The following LAMB4 variants were observed in gnomAD, a reference collection of about 807,000 sequenced individuals.
LAMB4 encodes laminin subunit beta-4.
In LAMB4, 196 loss-of-function variants were observed where a neutral mutation model predicts 199.2. The ratio of observed to expected loss-of-function variants is 0.98; its 90% CI spans 0.88 to 1.11. The LOEUF (loss-of-function observed/expected upper bound fraction) is 1.11, where lower values mean the gene tolerates loss of function less well. Ranked by LOEUF, LAMB4 falls within the 50% of genes least tolerant of loss-of-function variation. The pLI is 0.00. For missense variants in LAMB4, 2,080 were observed against 2,171.2 expected, an observed-to-expected ratio of 0.96 and a Z score of 0.83; for synonymous variants, 744 against 770.6, an observed-to-expected ratio of 0.97 and a Z score of 0.57.
chr7:108,040,486 A>T (rs879035472), intron 29 of LAMB4, among the ~76,000 whole-genome samples: 1 of 152,222 alleles, frequency 6.6e-6, no homozygotes, highest in East Asian at 1.9e-4. Context: ...AGCTAGAGAC[A>T]TCGTGCTATC....
chr7:108,077,045 G>A lies in LAMB4; in HGVS notation c.2023C>T (p.Pro675Ser). Residue 675 changes from proline (P) to serine (S), a missense_variant, in exon 17 of 34, where the codon CCC becomes TCC. Physicochemically the swap from Pro to Ser is moderately conservative, Grantham distance 74. Coordinates refer to ENST00000388781, the MANE Select transcript of LAMB4 (RefSeq NM_007356.3). ...AATRIMLLPT[P>S]ICLEPDVQYS... is the part of the protein sequence containing the mutation. ...TGTACATCTGGTTCTAAACAGATGG[G>A]TGTGGGAAGCAGCATGATTCTGTAT... 1 of 1,613,616 alleles carries A rather than the reference G, an allele frequency of 6.2e-7. No individual in the cohort carries two copies. Among genetic ancestry groups the A allele is most frequent in the Middle Eastern group, 1.7e-4 (1 of 6,060 alleles).
Position 108,103,054 on chromosome 7 carries a change from G to A in LAMB4, c.1170C>T (p.Tyr390=), listed in dbSNP as rs759145249. Residue 390 remains tyrosine, a synonymous_variant, in exon 10 of 34, where the codon TAC becomes TAT. Coordinates refer to ENST00000388781, the MANE Select transcript of LAMB4 (RefSeq NM_007356.3). ...RDPLKTISDP[Y]ACIPCECDPD... ...GACCCGGGGACTCACGAATGCACGC[G>A]TAGGGATCTGAGATGGTCTTGAGCG... 6.9e-6 allele frequency: 11 copies of A among 1,590,760 alleles called. No homozygotes were observed. Among genetic ancestry groups the A allele is most frequent in the Admixed American group, 5.1e-5 (3 of 59,234 alleles).
chr7:108,079,259 G>A (rs928620041), intron 15 of LAMB4, among the ~76,000 whole-genome samples: 1 of 152,190 alleles, frequency 6.6e-6, no homozygotes, highest in Non-Finnish European at 1.5e-5. Flanking sequence ...GTCTGCACAT[G>A]TGTTGGTTTA....
At position 108,088,521 on chromosome 7, in the gene LAMB4, C is replaced by T. The variant is rs115739415; in HGVS notation, c.1701+3105G>A. On this transcript the variant is annotated intron_variant, in intron 14 of 33. Coordinates refer to ENST00000388781, the MANE Select transcript of LAMB4 (RefSeq NM_007356.3). ...CCCATCAGAAGTATTAATTATACCA[C>T]GGACCAAGAAGTTCAGATTATTCCA... Among the ~76,000 whole-genome samples the T allele has an allele frequency of 6.0e-3, 908 of 152,238 alleles. 13 individuals carry two copies. The highest frequency in any genetic ancestry group is 0.018 in the African/African-American group (733 of 41,536).
At chr7:108,071,553 C>G (rs1191754523) in intron 17 of LAMB4, among the ~76,000 whole-genome samples, 16 of 152,228 alleles carry the variant, frequency 1.1e-4, no homozygotes, top group Non-Finnish European at 2.4e-4. Flanking sequence ...TGTGCTTACT[C>G]TTGGTAGACA....
At chr7:108,092,302 A>G (rs763780272) in intron 13 of LAMB4, 35 bp downstream of exon 13, 2 of 1,525,926 alleles carry the variant, frequency 1.3e-6, no homozygotes, top group South Asian at 1.1e-5. Context: ...TTATGTTTAA[A>G]TAAGGAATAT....
intron 14 of LAMB4, among the ~76,000 whole-genome samples, chr7:108,081,765 G>T (rs911939418): frequency 1.3e-5 from 2 of 152,158 alleles, no homozygotes; most frequent in Admixed American, 6.5e-5. Context: ...GCAGGGAAGG[G>T]GAGGCACTGA....
At chr7:108,041,490 C>A (rs951999281) in intron 29 of LAMB4, among the ~76,000 whole-genome samples, 1 of 152,190 alleles carries the variant, frequency 6.6e-6, no homozygotes. Flanking sequence ...GACATGGAAT[C>A]AACCTATATG....
chr7:108,058,816 C>T (rs2036067655), intron 23 of LAMB4, among the ~76,000 whole-genome samples: 1 of 152,030 alleles, frequency 6.6e-6, no homozygotes, highest in African/African-American at 2.4e-5. Context: ...ACCACCACAC[C>T]CGGCAATTTT....
chr7:108,079,714 T>C lies in LAMB4; in HGVS notation c.1774A>G (p.Thr592Ala), dbSNP rs771400232. ...CTGGCAAATCCAGGTCCAGTCCATG[T>C]AACAGGGTTCCCAGGAACTGGCTCT... ...LGEPVPGNPV[T>A]WTGPGFARVL... The change falls in exon 15 of 34, where the codon ACA becomes GCA. Residue 592 changes from threonine (T) to alanine (A), a missense_variant. Physicochemically the swap from Thr to Ala is moderately conservative, Grantham distance 58. Transcript: ENST00000388781. The C allele has an allele frequency of 6.2e-7, 1 of 1,612,072 alleles. No individual in the cohort carries two copies. Among genetic ancestry groups the C allele is most frequent in the Non-Finnish European group, 8.5e-7 (1 of 1,179,268 alleles).
At position 108,032,409 on chromosome 7, in the gene LAMB4, A is replaced by G. The variant is rs1034769708; in HGVS notation, c.4819-1430T>C. On this transcript the variant is annotated intron_variant, in intron 31 of 33. Transcript: ENST00000388781. The stretch of plus-strand genomic sequence containing the variant: ...CATCCCAAAAAAATAAAAAAAAAAA[A>G]TCTTTAAAAAGGCAATTTGTTTCTT... 2.7e-5 allele frequency among the ~76,000 whole-genome samples: 4 copies of G among 149,642 alleles called. No individual in the cohort carries two copies. In the East Asian group the frequency reaches 5.8e-4, roughly 22 times the overall value.
Position 108,048,016 on chromosome 7 carries a change from G to A in LAMB4, c.4218C>T (p.Pro1406=), listed in dbSNP as rs199681185. ...AGAGGGTCAGGGAGCCGTGACAGCC[G>A]GGACCCCTACACTTCCTGTGCCCCT... ...GRKGHRKCRG[P]GCHGSLTLST... Residue 1406 remains proline, a synonymous_variant, in exon 28 of 34, where the codon CCC becomes CCT. Coordinates refer to ENST00000388781, the MANE Select transcript of LAMB4 (RefSeq NM_007356.3). 1.5e-4 allele frequency: 250 copies of A among 1,614,096 alleles called. No individual in the cohort carries two copies. In the East Asian group the frequency reaches 3.3e-3, roughly 21 times the overall value.
In LAMB4 at chr7:108,030,980, CTGT is replaced by C. The variant is rs760198359; in HGVS notation, c.4819-4_4819-2del. 6.2e-7 allele frequency: 1 copy of C among 1,611,852 alleles called. No individual in the cohort carries two copies. Among genetic ancestry groups the C allele is most frequent in the East Asian group, 2.2e-5 (1 of 44,736 alleles). ...TCATTTCCCTGGTTTGATTTTCAGCCTGTTGTTGATTTAAAGACCAAAAAGGGA... is the reference window on the plus strand; with the variant it reads ...TCATTTCCCTGGTTTGATTTTCAGCCTGTTGATTTAAAGACCAAAAAGGGA... On this transcript the variant is annotated splice_acceptor_variant and splice_polypyrimidine_tract_variant and intron_variant, in intron 31 of 33. Coordinates refer to ENST00000388781, the MANE Select transcript of LAMB4 (RefSeq NM_007356.3). LOFTEE classifies it high-confidence loss of function.
At chr7:108,114,233 G>A (rs1303850536) in intron 3 of LAMB4, among the ~76,000 whole-genome samples, 3 of 152,094 alleles carry the variant, frequency 2.0e-5, no homozygotes, top group Non-Finnish European at 2.9e-5. Context: ...ACCAGCTTGG[G>A]CAACATAGTG....
Position 108,062,932 on chromosome 7 carries a change from G to A in LAMB4, c.3124C>T (p.Leu1042Phe). Residue 1042 changes from leucine (L) to phenylalanine (F), a missense_variant, in exon 23 of 34, where the codon CTC becomes TTC. By Grantham distance (22) the Leu-to-Phe change is conservative. Coordinates refer to ENST00000388781, the MANE Select transcript of LAMB4 (RefSeq NM_007356.3). ...CATGCACCAGTGACAGGGTCACAGA[G>A]GCAAGCTCCCCCACCAGGGGGACAC... is the stretch of plus-strand genomic sequence containing the variant. The part of the protein sequence containing the change: ...MECPPGGGAC[L>F]CDPVTGACPC... The A allele has an allele frequency of 6.2e-7, 1 of 1,608,832 alleles. No individual in the cohort carries two copies. Among genetic ancestry groups the A allele is most frequent in the Non-Finnish European group, 8.5e-7 (1 of 1,177,886 alleles).
At chr7:108,026,749 T>G (rs540828204) in intron 33 of LAMB4, 1 of 325,040 alleles carries the variant, frequency 3.1e-6, no homozygotes, top group East Asian at 8.1e-5. Context: ...CCCCACTCTC[T>G]CAACATTGTT....
chr7:108,052,344 TG>T, intron 25 of LAMB4, 87 bp from the exon 26 acceptor site: 1 of 1,022,986 alleles, frequency 9.8e-7, no homozygotes, highest in East Asian at 2.6e-5. Flanking sequence ...TTGCCCTCAT[TG>T]TTAGGAATTC....
intron 24 of LAMB4, among the ~76,000 whole-genome samples, chr7:108,056,437 C>T (rs1456111691): frequency 2.0e-5 from 3 of 152,246 alleles, no homozygotes; most frequent in Non-Finnish European, 2.9e-5. Context: ...GTGATGACCA[C>T]GCTGTCTTCC....
In LAMB4 at chr7:108,058,876, C is replaced by T. The variant is rs539439245; in HGVS notation, c.3283-948G>A. Reference sequence around the variant, plus strand: ...TTCACCATGTTGGCCAGGCTGGTCTCGAACTCCTGACCTCAAGCGACCCAC... The same window carrying T: ...TTCACCATGTTGGCCAGGCTGGTCTTGAACTCCTGACCTCAAGCGACCCAC... On this transcript the variant is annotated intron_variant, in intron 23 of 33. Coordinates refer to ENST00000388781, the MANE Select transcript of LAMB4 (RefSeq NM_007356.3). Among the ~76,000 whole-genome samples, 156 of 152,130 alleles carry T rather than the reference C, an allele frequency of 1.0e-3. 1 individual carries two copies. Among genetic ancestry groups the T allele is most frequent in the African/African-American group, 3.4e-3 (142 of 41,478 alleles).
Sources: allele counts gnomAD v4.1 joint callset (sites outside exome capture counted in the v4.1 genomes callset), GRCh38; gene constraint gnomAD v4.1.1; transcripts MANE v1.5; gene names NCBI Gene and HGNC (gene_info 2026-07-23, HGNC 2026-07-21).